Variants in COP1 observed in about 807,000 individuals in gnomAD.
COP1 encodes the protein COP1 E3 ubiquitin ligase.
In COP1, 24 loss-of-function variants were observed where a neutral mutation model predicts 101.3. The ratio of observed to expected loss-of-function variants is 0.24; its 90% CI spans 0.17 to 0.33. The LOEUF (loss-of-function observed/expected upper bound fraction) is 0.33. COP1 is among the 10% of genes least tolerant of loss of function. The probability of loss-of-function intolerance (pLI) is 1.00; values close to 1 mark genes in which losing one functional copy is unlikely to be tolerated. For synonymous variants in COP1, 347 were observed against 341.9 expected, an observed-to-expected ratio of 1.01 and a Z score of -0.17; for missense variants, 663 against 906.2, an observed-to-expected ratio of 0.73 and a Z score of 3.45.
At chr1:176,088,322 C>T (rs1407780261) in intron 9 of COP1, among the ~76,000 whole-genome samples, 1 of 152,038 alleles carries the variant, frequency 6.6e-6, no homozygotes, top group Non-Finnish European at 1.5e-5. Context: ...GAATGACAGT[C>T]ATACACAAAA....
At chr1:175,997,565 A>C (rs1391915015) in intron 15 of COP1, among the ~76,000 whole-genome samples, 1 of 152,178 alleles carries the variant, frequency 6.6e-6, no homozygotes, top group Non-Finnish European at 1.5e-5. Flanking sequence ...AAAAACAAAC[A>C]ACCCCATGAA....
At chr1:176,071,629 T>A (rs770349875) in intron 11 of COP1, among the ~76,000 whole-genome samples, 18 of 152,214 alleles carry the variant, frequency 1.2e-4, no homozygotes, top group Non-Finnish European at 2.6e-4. Context: ...GGCTAGAATT[T>A]GGTTTTAAAA....
At chr1:176,066,496 C>A (rs983397745) in intron 11 of COP1, among the ~76,000 whole-genome samples, 1 of 151,962 alleles carries the variant, frequency 6.6e-6, no homozygotes, top group Non-Finnish European at 1.5e-5. Context: ...TTGTAAAAAG[C>A]GTAAAAAAGA....
At chr1:176,077,871 G>C (rs1371538626) in intron 11 of COP1, among the ~76,000 whole-genome samples, 3 of 150,268 alleles carry the variant, frequency 2.0e-5, no homozygotes, top group Non-Finnish European at 3.0e-5. Flanking sequence ...TTCTAGCTGA[G>C]AAAGAAATAA....
intron 11 of COP1, among the ~76,000 whole-genome samples, chr1:176,057,316 T>G (rs1673712820): frequency 1.3e-5 from 2 of 151,028 alleles, no homozygotes; most frequent in South Asian, 2.1e-4. Flanking sequence ...ATGTGACCTC[T>G]CCCTCTCCCT....
chr1:176,158,776 A>G (rs1168328986), intron 5 of COP1, among the ~76,000 whole-genome samples: 2 of 151,114 alleles, frequency 1.3e-5, no homozygotes, highest in African/African-American at 4.9e-5. Flanking sequence ...AGTAGCTGGG[A>G]CTATAGGCGC....
chr1:176,003,158 T>C (rs1662179734), intron 15 of COP1, among the ~76,000 whole-genome samples: 1 of 152,226 alleles, frequency 6.6e-6, no homozygotes, highest in African/African-American at 2.4e-5. Flanking sequence ...ATGTCTTCTT[T>C]TGAGAAGTGT....
chr1:176,022,655 A>C (rs533796437), intron 15 of COP1, among the ~76,000 whole-genome samples: 18 of 152,330 alleles, frequency 1.2e-4, no homozygotes, highest in Non-Finnish European at 2.1e-4. Context: ...GGAATGTTTC[A>C]GTCAGTGAAA....
At chr1:176,151,390 AAAGAAAG>A (rs1320271423) in intron 5 of COP1, among the ~76,000 whole-genome samples, 1 of 148,126 alleles carries the variant, frequency 6.8e-6, no homozygotes, top group African/African-American at 2.5e-5. Context: ...AGAAAGAAAG[AAAGAAAG>A]AAAGAAAGAA....
intron 14 of COP1, among the ~76,000 whole-genome samples, chr1:176,041,990 T>C (rs994379273): frequency 6.6e-6 from 1 of 152,074 alleles, no homozygotes; most frequent in African/African-American, 2.4e-5. Flanking sequence ...CACGTGCCTG[T>C]AGGCCCAGCT....
chr1:176,075,026 T>C (rs998070607), intron 11 of COP1, among the ~76,000 whole-genome samples: 1 of 152,170 alleles, frequency 6.6e-6, no homozygotes, highest in African/African-American at 2.4e-5. Flanking sequence ...TATTCTTTTA[T>C]TTCTTATCTA....
At chr1:175,992,316 C>T (rs758594608) in intron 15 of COP1, among the ~76,000 whole-genome samples, 1 of 152,152 alleles carries the variant, frequency 6.6e-6, no homozygotes, top group African/African-American at 2.4e-5. Context: ...CCAGAGTGAG[C>T]GACGCAGAAG....
rs569197273 is a variant in COP1 at position 176,137,650 on chromosome 1, T to C, written c.832-1103A>G. Reference sequence around the variant, plus strand: ...GGCAGAACTGGAATTCAAATTAAGGTAGGCTTATTGTTCCAGAATTCATGC... The same window carrying C: ...GGCAGAACTGGAATTCAAATTAAGGCAGGCTTATTGTTCCAGAATTCATGC... On this transcript the variant is annotated intron_variant, in intron 6 of 19. Transcript: ENST00000367669. Among the ~76,000 whole-genome samples, 6 of 152,296 alleles carry C rather than the reference T, an allele frequency of 3.9e-5. No homozygotes were observed. In the East Asian group the frequency reaches 1.2e-3, roughly 29 times the overall value.
In COP1 at chr1:176,184,621, G is replaced by A. The variant is rs749112422; in HGVS notation, c.467+12C>T. ...TGTTAAAAGATTATTTTACTCAATA[G>A]AATTGTCTTACCAAAAGCTGTGGCC... On this transcript the variant is annotated intron_variant, in intron 2 of 19. Coordinates refer to ENST00000367669, the MANE Select transcript of COP1 (RefSeq NM_022457.7). The A allele has an allele frequency of 1.4e-5, 22 of 1,585,008 alleles. No homozygotes were observed. Among genetic ancestry groups the A allele is most frequent in the Non-Finnish European group, 1.9e-5 (22 of 1,158,884 alleles).
chr1:175,947,174 G>C (rs1209336335), intron 19 of COP1, 21 bp downstream of exon 19: 3 of 1,556,604 alleles, frequency 1.9e-6, no homozygotes, highest in Non-Finnish European at 2.7e-6. Context: ...GTTTAAAATG[G>C]AGATATAGTA....
chr1:176,031,018 C>T (rs759848638), intron 14 of COP1, among the ~76,000 whole-genome samples: 1 of 152,076 alleles, frequency 6.6e-6, no homozygotes, highest in Non-Finnish European at 1.5e-5. Context: ...AGCTACAAGT[C>T]AATAAATAAT....
In COP1 at chr1:176,162,952, C is replaced by T; in HGVS notation, c.679G>A (p.Gly227Arg). The T allele has an allele frequency of 6.2e-7, 1 of 1,607,272 alleles. No homozygotes were observed. Among genetic ancestry groups the T allele is most frequent in the South Asian group, 1.1e-5 (1 of 89,150 alleles). ...AAATCAAGGTTATCTTGGTCAGTTC[C>T]CAACCAATCTTGAAATATCTGCCAC... is the stretch of plus-strand genomic sequence containing the variant. Reference protein sequence around the residue: ...HRWQIFQDWLGTDQDNLDLAN... With the variant: ...HRWQIFQDWLRTDQDNLDLAN... The change falls in exon 5 of 20, where the codon GGA (glycine) becomes AGA (arginine). Residue 227 changes from glycine to arginine, a missense_variant. By Grantham distance (125) the Gly-to-Arg change is moderately radical. Coordinates refer to ENST00000367669, the MANE Select transcript of COP1 (RefSeq NM_022457.7).
intron 1 of COP1, among the ~76,000 whole-genome samples, chr1:176,195,770 G>T (rs568598248): frequency 6.6e-5 from 10 of 152,186 alleles, no homozygotes; most frequent in African/African-American, 1.9e-4. Flanking sequence ...TATCCTAAAC[G>T]GATTAACACA....
At chr1:176,071,723 T>C (rs1677042071) in intron 11 of COP1, among the ~76,000 whole-genome samples, 1 of 152,212 alleles carries the variant, frequency 6.6e-6, no homozygotes, top group African/African-American at 2.4e-5. Context: ...CTTCCTTATA[T>C]TAACCTTAAA....
Sources: gnomAD v4.1 joint callset for allele counts (sites outside exome capture counted in the v4.1 genomes callset) on GRCh38, gnomAD v4.1.1 for gene constraint, MANE v1.5 for transcripts, NCBI Gene and HGNC (gene_info 2026-07-23, HGNC 2026-07-21) for gene names.